Variants in PXYLP1 observed in about 807,000 individuals in gnomAD.
PXYLP1 encodes the protein acid phosphatase-like 2.
In PXYLP1, 17 loss-of-function variants were observed where a neutral mutation model predicts 37.9. That is an observed-to-expected ratio of 0.45 (90% CI 0.31 to 0.67). PXYLP1 has a LOEUF of 0.67. Among genes scored for constraint, PXYLP1 ranks in the 30% least tolerant of loss-of-function variants. The pLI is 0.07. For synonymous variants in PXYLP1, 221 were observed against 232.2 expected (o/e 0.95, Z 0.44); for missense variants, 511 against 612.0 (o/e 0.84, Z 1.74).
chr3:141,288,133 T>C (rs1030968877), intron 5 of PXYLP1, among the ~76,000 whole-genome samples: 3 of 152,212 alleles, frequency 2.0e-5, no homozygotes, highest in Admixed American at 6.5e-5. Context: ...TCAGGGTAGG[T>C]TGGTGAGTTA....
At chr3:141,287,624 A>C (rs1283923664) in intron 5 of PXYLP1, among the ~76,000 whole-genome samples, 171 bp downstream of exon 5, 1 of 152,220 alleles carries the variant, frequency 6.6e-6, no homozygotes, top group African/African-American at 2.4e-5. Flanking sequence ...AGAGTTCTCA[A>C]AACTAAATAG....
At chr3:141,276,281 T>A (rs1441444853) in intron 2 of PXYLP1, among the ~76,000 whole-genome samples, 1 of 152,226 alleles carries the variant, frequency 6.6e-6, no homozygotes, top group Non-Finnish European at 1.5e-5. Flanking sequence ...AAAATACTTT[T>A]TCACACCCCA....
At chr3:141,274,995 GTCAAGATGGAGC>G (rs900450425) in intron 2 of PXYLP1, among the ~76,000 whole-genome samples, 14 of 152,316 alleles carry the variant, frequency 9.2e-5, no homozygotes, top group African/African-American at 3.4e-4. Flanking sequence ...TGGGATTGGG[GTCAAGATGGAGC>G]TGGGGAGACT....
intron 5 of PXYLP1, among the ~76,000 whole-genome samples, chr3:141,291,068 C>G (rs1283067321): frequency 6.6e-6 from 1 of 152,200 alleles, no homozygotes; most frequent in Non-Finnish European, 1.5e-5. Context: ...TCTTCATGCA[C>G]AGTAGGACCC....
intron 2 of PXYLP1, among the ~76,000 whole-genome samples, chr3:141,265,661 A>G (rs1254467575): frequency 6.6e-6 from 1 of 152,196 alleles, no homozygotes; most frequent in African/African-American, 2.4e-5. Flanking sequence ...GGATGATGGT[A>G]TCGGGGGGAC....
chr3:141,248,645 A>G lies in PXYLP1; in HGVS notation c.-53-11478A>G, dbSNP rs1192310727. On this transcript the variant is annotated intron_variant, in intron 1 of 5. Coordinates refer to ENST00000286353, the MANE Select transcript of PXYLP1 (RefSeq NM_001037172.3). The stretch of plus-strand genomic sequence containing the variant: ...CACACACGTATATATACACACGTGT[A>G]TATATACACACGTATATATACACAC... Among the ~76,000 whole-genome samples the G allele has an allele frequency of 4.3e-5, 4 of 92,652 alleles. 2 individuals are homozygous for G. Among genetic ancestry groups the G allele is most frequent in the Non-Finnish European group, 8.8e-5 (4 of 45,534 alleles). 60.8% of individuals were successfully genotyped at this position (92,652 alleles called of 152,430 possible).
chr3:141,289,695 A>G (rs1942157984), intron 5 of PXYLP1, among the ~76,000 whole-genome samples: 1 of 152,200 alleles, frequency 6.6e-6, no homozygotes, highest in Non-Finnish European at 1.5e-5. Context: ...GTGTCTGTCA[A>G]CAAAATTACA....
rs372803467 is a variant in PXYLP1 at position 141,267,788 on chromosome 3, C to T, written c.79+7534C>T. Among the ~76,000 whole-genome samples the T allele has an allele frequency of 1.7e-4, 26 of 152,188 alleles. No homozygotes were observed. In the East Asian group the frequency reaches 4.1e-3, roughly 24 times the overall value. On this transcript the variant is annotated intron_variant, in intron 2 of 5. Transcript: ENST00000286353. The stretch of plus-strand genomic sequence containing the variant: ...GACACATTTATGTCTGTGGGTCATT[C>T]CTAGTTTTCTTTCAGGGTGGAGCTA...
chr3:141,258,923 C>T (rs2148747903), intron 1 of PXYLP1: 1 of 152,352 alleles, frequency 6.6e-6, no homozygotes, highest in South Asian at 2.1e-4. Context: ...TTTCATCAAT[C>T]TGTTAGCAAA....
In PXYLP1 at chr3:141,268,168, GGAGAGA is replaced by G. The variant is rs142785821; in HGVS notation, c.79+7948_79+7953del. ...GTACCTTTATATGCGGGTGGGTGGG[GGAGAGA>G]GAGAGAGAGAGAGAGAGAGAGAGAG... On this transcript the variant is annotated intron_variant, in intron 2 of 5. Coordinates refer to ENST00000286353, the MANE Select transcript of PXYLP1 (RefSeq NM_001037172.3). 5.5e-3 allele frequency among the ~76,000 whole-genome samples: 716 copies of G among 129,664 alleles called. 2 individuals carry two copies. The highest frequency in any genetic ancestry group is 7.5e-3 in the Non-Finnish European group (467 of 62,392). The allele number at this position is 129,664 out of a possible 152,430, so 85.1% of individuals were successfully genotyped here. A position where few individuals can be genotyped will look rare whatever the true frequency, so the allele number is the denominator to read the frequency against.
intron 4 of PXYLP1, among the ~76,000 whole-genome samples, chr3:141,285,585 G>A (rs1302567437): frequency 2.6e-5 from 4 of 152,096 alleles, no homozygotes; most frequent in Admixed American, 2.6e-4. Context: ...TAAGCAGTCA[G>A]ATGCCCTGAA....
At chr3:141,283,660 C>A (rs1328728978) in intron 4 of PXYLP1, among the ~76,000 whole-genome samples, 1 of 151,986 alleles carries the variant, frequency 6.6e-6, no homozygotes, top group Non-Finnish European at 1.5e-5. Context: ...ATGATAAATT[C>A]TTTAATTGGC....
chr3:141,236,009 AG>A (rs910748499), intron 1 of PXYLP1, among the ~76,000 whole-genome samples: 1 of 152,214 alleles, frequency 6.6e-6, no homozygotes, highest in African/African-American at 2.4e-5. Context: ...ATGATTAAAA[AG>A]GCATGGAAGA....
chr3:141,260,956 G>C (rs559969138), intron 2 of PXYLP1, among the ~76,000 whole-genome samples: 1 of 152,312 alleles, frequency 6.6e-6, no homozygotes, highest in South Asian at 2.1e-4. Context: ...TGCTGCTTCT[G>C]TGCTCAGATC....
intron 1 of PXYLP1, among the ~76,000 whole-genome samples, chr3:141,259,259 A>G (rs1025470091): frequency 6.6e-6 from 1 of 152,244 alleles, no homozygotes; most frequent in Non-Finnish European, 1.5e-5. Context: ...AATTACCGTT[A>G]CAATCTAACT....
At chr3:141,266,096 C>T (rs1941504685) in intron 2 of PXYLP1, among the ~76,000 whole-genome samples, 5 of 152,238 alleles carry the variant, frequency 3.3e-5, no homozygotes, top group Admixed American at 1.3e-4. Flanking sequence ...GTATTCCCTG[C>T]TGGTGAAGCC....
chr3:141,273,101 C>G, intron 2 of PXYLP1: 1 of 985,472 alleles, frequency 1.0e-6, no homozygotes, highest in Non-Finnish European at 1.2e-6. Context: ...GCTATTTTCT[C>G]CTTATGGTCC....
chr3:141,290,878 C>A (rs1458389602), intron 5 of PXYLP1, among the ~76,000 whole-genome samples: 1 of 152,182 alleles, frequency 6.6e-6, no homozygotes, highest in African/African-American at 2.4e-5. Flanking sequence ...ACACAGTAAG[C>A]ACTCTAACTT....
At chr3:141,241,281 G>C (rs1403607094) in intron 1 of PXYLP1, among the ~76,000 whole-genome samples, 2 of 152,170 alleles carry the variant, frequency 1.3e-5, no homozygotes, top group Admixed American at 6.5e-5. Context: ...TCCGTCCGCA[G>C]CATTCTTCCT....
Sources: gnomAD v4.1 joint callset for allele counts (sites outside exome capture counted in the v4.1 genomes callset) on GRCh38, gnomAD v4.1.1 for gene constraint, MANE v1.5 for transcripts, NCBI Gene and HGNC (gene_info 2026-07-23, HGNC 2026-07-21) for gene names.